The following NBN variants were observed in gnomAD, a reference collection of about 807,000 sequenced individuals.
NBN encodes Nijmegen breakage syndrome 1 (nibrin).
NBN carries 88 observed loss-of-function variants against 90.8 expected under a neutral mutation model. That is an observed-to-expected ratio of 0.97 (90% CI 0.82 to 1.16). NBN has a LOEUF of 1.16. NBN is among the 50% of genes most tolerant of loss of function. NBN has a pLI of 0.00. For synonymous variants in NBN, 328 were observed against 295.1 expected (o/e 1.11, Z -1.14); for missense variants, 894 against 869.6 (o/e 1.03, Z -0.35).
At chr8:89,975,325 T>C (rs1033272440) in intron 5 of NBN, among the ~76,000 whole-genome samples, 14 of 152,216 alleles carry the variant, frequency 9.2e-5, no homozygotes, top group African/African-American at 3.4e-4. Flanking sequence ...TTTGGAACAT[T>C]AGAGGTACTT....
intron 7 of NBN, among the ~76,000 whole-genome samples, chr8:89,967,131 G>A (rs1050286222): frequency 1.8e-4 from 28 of 152,292 alleles, no homozygotes; most frequent in South Asian, 2.1e-4. Flanking sequence ...CCCAGTGTCC[G>A]TGTGGGTTTT....
At chr8:89,952,478 T>C (rs1407119468) in intron 11 of NBN, among the ~76,000 whole-genome samples, 1 of 152,186 alleles carries the variant, frequency 6.6e-6, no homozygotes, top group Non-Finnish European at 1.5e-5. Flanking sequence ...TTCTGTTTTT[T>C]GAATAGTAGT....
In NBN at chr8:89,953,683, T is replaced by A. The variant is rs780365310; in HGVS notation, c.1406A>T (p.Asp469Val). Reference protein sequence around the residue: ...FQPSTKKRERDEENQEMSSCK... With the variant: ...FQPSTKKRERVEENQEMSSCK... ...TGAAGACATTTCTTGATTTTCTTCA[T>A]CCCTTTCCCTTAGATTTAAAAAAAA... Residue 469 changes from aspartate (D) to valine (V), a missense_variant, in exon 11 of 16, where the codon GAT becomes GTT. Physicochemically the swap from Asp to Val is radical, Grantham distance 152. Transcript: ENST00000265433. 1 of 1,608,720 alleles carries A rather than the reference T, an allele frequency of 6.2e-7. No individual in the cohort carries two copies. Among genetic ancestry groups the A allele is most frequent in the Non-Finnish European group, 8.5e-7 (1 of 1,177,804 alleles).
rs1349928568 is a variant in NBN, at chr8:89,955,283, C to CT, written c.1396dup (p.Arg466LysfsTer5). 2 of 1,612,892 alleles carry CT rather than the reference C, an allele frequency of 1.2e-6. No individual in the cohort carries two copies. The highest frequency in any genetic ancestry group is 1.3e-5 in the African/African-American group (1 of 74,788). ...ATGAGAGAAGTTATCAAAAACAGAC[C>CT]TTTTTTTGGTAGACGGCTGAAAGTA... On this transcript the variant is annotated frameshift_variant and splice_region_variant, in exon 10 of 16. Transcript: ENST00000265433. LOFTEE classifies it high-confidence loss of function.
chr8:89,964,575 A>G, intron 7 of NBN, 68 bp from the exon 8 acceptor site: 1 of 1,446,374 alleles, frequency 6.9e-7, no homozygotes, highest in East Asian at 2.4e-5. Context: ...AGATAATGTC[A>G]AGATAAAGCA....
intron 12 of NBN, chr8:89,946,587 C>T (rs887684857): frequency 4.5e-5 from 15 of 330,210 alleles, no homozygotes; most frequent in South Asian, 3.6e-4. Flanking sequence ...TAATAAATAT[C>T]ATCTCAGTAA....
Position 89,934,279 on chromosome 8 carries a change from A to G in NBN, c.*1303T>C, listed in dbSNP as rs2130732877. 1 of 232,210 alleles carries G rather than the reference A, an allele frequency of 4.3e-6. No homozygotes were observed. The highest frequency in any genetic ancestry group is 2.2e-5 in the African/African-American group (1 of 45,432). 14.4% of individuals were successfully genotyped at this position (232,210 alleles called of 1,614,324 possible). A position where few individuals can be genotyped will look rare whatever the true frequency, so the allele number is the denominator to read the frequency against. ...ATGTTCTATCCAATGTCATACCACT[A>G]TCATAATTTAAGTGTTCATAACTCT... is the stretch of plus-strand genomic sequence containing the variant. On this transcript the variant is annotated 3_prime_UTR_variant, in exon 16 of 16. Coordinates refer to ENST00000265433, the MANE Select transcript of NBN (RefSeq NM_002485.5).
chr8:89,972,955 A>G (rs1293125311), intron 5 of NBN, among the ~76,000 whole-genome samples: 1 of 152,220 alleles, frequency 6.6e-6, no homozygotes, highest in Non-Finnish European at 1.5e-5. Flanking sequence ...GTCATTCTTA[A>G]TTATGCCATA....
intron 13 of NBN, among the ~76,000 whole-genome samples, 194 bp from the exon 14 acceptor site, chr8:89,943,560 T>C (rs1810050919): frequency 6.6e-6 from 1 of 152,180 alleles, no homozygotes; most frequent in African/African-American, 2.4e-5. Flanking sequence ...GCTATTACTA[T>C]ATACAGATCT....
chr8:89,937,408 C>T, intron 14 of NBN: 2 of 338,154 alleles, frequency 5.9e-6, no homozygotes, highest in African/African-American at 4.3e-5. Context: ...GGGGGTCAGA[C>T]CACTGATGAG....
At chr8:89,958,110 G>T (rs1586064217) in intron 9 of NBN, among the ~76,000 whole-genome samples, 1 of 152,196 alleles carries the variant, frequency 6.6e-6, no homozygotes, top group South Asian at 2.1e-4. Context: ...TCACAATAGG[G>T]TTTGTGCTCC....
Position 89,953,180 on chromosome 8 carries a change from C to T in NBN, c.1845+64G>A, listed in dbSNP as rs537038083. 77 of 1,200,046 alleles carry T rather than the reference C, an allele frequency of 6.4e-5. No individual in the cohort carries two copies. The African/African-American group carries it at 8.4e-4, about 13-fold the overall frequency. The allele number at this position is 1,200,046 out of a possible 1,614,324, so 74.3% of individuals were successfully genotyped here. On this transcript the variant is annotated intron_variant, in intron 11 of 15. Coordinates refer to ENST00000265433, the MANE Select transcript of NBN (RefSeq NM_002485.5). Reference sequence around the variant, plus strand: ...GATGCTCATACTGTCAATACAAAATCGAAAGTACCTGTTAGCATTCTAAGC... The same window carrying T: ...GATGCTCATACTGTCAATACAAAATTGAAAGTACCTGTTAGCATTCTAAGC...
chr8:89,939,933 C>T (rs1809862575), intron 14 of NBN, among the ~76,000 whole-genome samples: 1 of 152,184 alleles, frequency 6.6e-6, no homozygotes, highest in African/African-American at 2.4e-5. Context: ...GCCCAAGCTG[C>T]ACACAGCTCC....
intron 11 of NBN, among the ~76,000 whole-genome samples, chr8:89,948,834 A>G (rs1385712446): frequency 6.6e-6 from 1 of 152,196 alleles, no homozygotes. Context: ...TACTCCCTTT[A>G]TACATAATCA....
intron 2 of NBN, 176 bp from the exon 3 acceptor site, chr8:89,981,699 C>T (rs1812078217): frequency 5.9e-6 from 4 of 680,166 alleles, no homozygotes; most frequent in Non-Finnish European, 9.7e-6. Flanking sequence ...ATTCATATTT[C>T]CCCTTAGGGA....
intron 4 of NBN, among the ~76,000 whole-genome samples, chr8:89,979,908 A>C (rs2129902505): frequency 6.6e-6 from 1 of 152,332 alleles, no homozygotes; most frequent in East Asian, 1.9e-4. Flanking sequence ...CTATTTCTTA[A>C]GTAATATCTT....
chr8:89,981,544 T>C, intron 2 of NBN, 21 bp from the exon 3 acceptor site: 1 of 1,611,156 alleles, frequency 6.2e-7, no homozygotes, highest in East Asian at 2.2e-5. Context: ...AGCAAATAAT[T>C]TAAAGTCTTT....
chr8:89,965,597 T>C (rs1811217026), intron 7 of NBN, among the ~76,000 whole-genome samples: 1 of 152,046 alleles, frequency 6.6e-6, no homozygotes, highest in African/African-American at 2.4e-5. Context: ...CAGGCAATTC[T>C]TGTGCCCTGA....
chr8:89,984,241 G>A (rs1437239097), intron 1 of NBN: 2 of 548,612 alleles, frequency 3.6e-6, no homozygotes, highest in Admixed American at 6.4e-5. Context: ...CTGCAACGGC[G>A]CGGGGGTGAG....
Sources: allele counts gnomAD v4.1 joint callset (sites outside exome capture counted in the v4.1 genomes callset), GRCh38; gene constraint gnomAD v4.1.1; transcripts MANE v1.5; gene names NCBI Gene and HGNC (gene_info 2026-07-23, HGNC 2026-07-21).